PRR16: variants seen among roughly 807,000 people sequenced by gnomAD.
PRR16 encodes the protein protein Largen.
PRR16 carries 6 observed loss-of-function variants against 18.2 expected under a neutral mutation model. The observed-to-expected ratio is 0.33, with a 90% CI of 0.18 to 0.65. The LOEUF (loss-of-function observed/expected upper bound fraction) is 0.65. Among genes scored for constraint, PRR16 ranks in the 30% least tolerant of loss-of-function variants. PRR16 has a pLI of 0.74. For missense variants in PRR16, 412 were observed against 376.6 expected (o/e 1.09, Z -0.78); for synonymous variants, 151 against 147.8 (o/e 1.02, Z -0.16).
At chr5:120,534,049 CAGG>C (rs1271198112) in intron 1 of PRR16, among the ~76,000 whole-genome samples, 1 of 152,128 alleles carries the variant, frequency 6.6e-6, no homozygotes, top group Non-Finnish European at 1.5e-5. Flanking sequence ...GGAGATAAAT[CAGG>C]AGTTCAGGTT....
chr5:120,776,419 A>G, the PRR16 span, among the ~76,000 whole-genome samples: 2 of 152,204 alleles, frequency 1.3e-5, no homozygotes, highest in Admixed American at 6.5e-5. Flanking sequence ...AGAAAACTCT[A>G]TGGAAATTCT....
chr5:120,572,217 A>G (rs968253514), intron 1 of PRR16, among the ~76,000 whole-genome samples: 4 of 152,156 alleles, frequency 2.6e-5, no homozygotes, highest in African/African-American at 9.7e-5. Context: ...CCCAAATTCC[A>G]TGGCAGGGAA....
chr5:120,520,197 A>G (rs1751127078), intron 1 of PRR16, among the ~76,000 whole-genome samples: 2 of 152,126 alleles, frequency 1.3e-5, no homozygotes, highest in Non-Finnish European at 2.9e-5. Context: ...GGCGTTCGAG[A>G]CCAGTCTGGC....
At chr5:120,731,180 T>A in the PRR16 span, among the ~76,000 whole-genome samples, 1 of 152,160 alleles carries the variant, frequency 6.6e-6, no homozygotes, top group African/African-American at 2.4e-5. Flanking sequence ...ATAGAATATT[T>A]CCCTGGAAAA....
chr5:120,745,738 A>G, the PRR16 span, among the ~76,000 whole-genome samples: 15,575 of 151,494 alleles, frequency 0.1, 1,016 homozygotes, highest in African/African-American at 0.18. Context: ...TCACTCTGTC[A>G]CCAAGGCTGG....
chr5:120,760,227 G>T, the PRR16 span, among the ~76,000 whole-genome samples: 1 of 152,112 alleles, frequency 6.6e-6, no homozygotes, highest in Non-Finnish European at 1.5e-5. Context: ...ATGGTAGAAT[G>T]AGCCATGTTG....
intron 1 of PRR16, among the ~76,000 whole-genome samples, chr5:120,598,261 T>A (rs1176774908): frequency 6.6e-6 from 1 of 151,770 alleles, no homozygotes; most frequent in African/African-American, 2.4e-5. Flanking sequence ...CAATCCTCTT[T>A]TTTATACAGC....
intron 1 of PRR16, among the ~76,000 whole-genome samples, chr5:120,559,040 C>T (rs2112713907): frequency 6.6e-6 from 1 of 151,820 alleles, no homozygotes; most frequent in East Asian, 1.9e-4. Flanking sequence ...TTCTGGTTGT[C>T]AATTATTTGT....
chr5:120,686,863 A>G lies in PRR16; in HGVS notation c.*154A>G. 4.0e-6 allele frequency: 2 copies of G among 501,992 alleles called. No homozygotes were observed. The highest frequency in any genetic ancestry group is 6.5e-6 in the Non-Finnish European group (2 of 306,326). The allele number at this position is 501,992 out of a possible 1,614,324, so 31.1% of individuals were successfully genotyped here. A position where few individuals can be genotyped will look rare whatever the true frequency, so the allele number is the denominator to read the frequency against. Reference sequence around the variant, plus strand: ...AAATCACCTGGTAAGTATGCAGCACATTGCTTATATCCTGGGTATGCATTA... The same window carrying G: ...AAATCACCTGGTAAGTATGCAGCACGTTGCTTATATCCTGGGTATGCATTA... On this transcript the variant is annotated 3_prime_UTR_variant, in exon 2 of 2. Coordinates refer to ENST00000407149, the MANE Select transcript of PRR16 (RefSeq NM_001300783.2).
the PRR16 span, among the ~76,000 whole-genome samples, chr5:120,704,902 A>G: frequency 6.6e-6 from 1 of 152,206 alleles, no homozygotes; most frequent in Non-Finnish European, 1.5e-5. Flanking sequence ...TTAGAAATTT[A>G]TATTTCAAAA....
chr5:120,612,230 G>A (rs953891908), intron 1 of PRR16, among the ~76,000 whole-genome samples: 2 of 152,288 alleles, frequency 1.3e-5, no homozygotes, highest in African/African-American at 4.8e-5. Flanking sequence ...ATAGGTAGAA[G>A]AGAATTGCCT....
At chr5:120,677,876 T>A (rs1756849254) in intron 1 of PRR16, among the ~76,000 whole-genome samples, 1 of 151,426 alleles carries the variant, frequency 6.6e-6, no homozygotes, top group Non-Finnish European at 1.5e-5. Context: ...TGTTTTGGAA[T>A]TGGACTAAAC....
chr5:120,766,289 A>G, the PRR16 span, among the ~76,000 whole-genome samples: 5 of 151,960 alleles, frequency 3.3e-5, no homozygotes, highest in South Asian at 2.1e-4. Flanking sequence ...TGTTTTATCT[A>G]TTCTAGAGTA....
chr5:120,663,457 GA>G (rs5870912), intron 1 of PRR16, among the ~76,000 whole-genome samples: 64,167 of 151,762 alleles, frequency 0.42, 14,483 homozygotes, highest in East Asian at 0.86. Context: ...AAAAGTAAAA[GA>G]AAAAAAATTA....
intron 1 of PRR16, among the ~76,000 whole-genome samples, chr5:120,650,914 C>T (rs1580832758): frequency 6.6e-6 from 1 of 152,204 alleles, no homozygotes; most frequent in East Asian, 1.9e-4. Context: ...CTGACTTCCA[C>T]AATGGTTGAA....
chr5:120,670,224 T>G (rs1220961605), intron 1 of PRR16, among the ~76,000 whole-genome samples: 2 of 152,258 alleles, frequency 1.3e-5, no homozygotes, highest in African/African-American at 4.8e-5. Context: ...ATAGAACATG[T>G]GTATTTATAG....
At chr5:120,473,648 C>T (rs1749345375) in intron 1 of PRR16, among the ~76,000 whole-genome samples, 1 of 152,114 alleles carries the variant, frequency 6.6e-6, no homozygotes, top group Admixed American at 6.6e-5. Context: ...TTCATTTATT[C>T]AACAAGTAGT....
intron 1 of PRR16, among the ~76,000 whole-genome samples, chr5:120,588,174 G>C (rs1345685512): frequency 6.6e-6 from 1 of 152,198 alleles, no homozygotes; most frequent in Non-Finnish European, 1.5e-5. Context: ...AGCAAACAAA[G>C]TGGTTTCTTG....
chr5:120,557,810 A>C (rs1253330092), intron 1 of PRR16, among the ~76,000 whole-genome samples: 1 of 151,928 alleles, frequency 6.6e-6, no homozygotes, highest in Non-Finnish European at 1.5e-5. Flanking sequence ...ATCTCTTGAA[A>C]TAACATGCTT....
Sources: gnomAD v4.1 joint callset for allele counts (sites outside exome capture counted in the v4.1 genomes callset) on GRCh38, gnomAD v4.1.1 for gene constraint, MANE v1.5 for transcripts, NCBI Gene and HGNC (gene_info 2026-07-23, HGNC 2026-07-21) for gene names.